The following ATP8A2 variants were observed in gnomAD, a reference collection of about 807,000 sequenced individuals.
ATP8A2 encodes phospholipid-transporting ATPase IB.
ATP8A2 carries 100 observed loss-of-function variants against 165.6 expected under a neutral mutation model. That is an observed-to-expected ratio of 0.60 (90% CI 0.51 to 0.71). The LOEUF (loss-of-function observed/expected upper bound fraction) is 0.71, where lower values mean the gene tolerates loss of function less well. Ranked by LOEUF, ATP8A2 falls within the 30% of genes least tolerant of loss-of-function variation. The pLI, the probability that ATP8A2 is intolerant of heterozygous loss-of-function variation, is 0.00. For synonymous variants in ATP8A2, 543 were observed against 548.8 expected, an observed-to-expected ratio of 0.99 and a Z score of 0.15; for missense variants, 1,227 against 1,479.5, an observed-to-expected ratio of 0.83 and a Z score of 2.80.
At position 25,806,412 on chromosome 13, in the gene ATP8A2, T is replaced by C. The variant is rs549136903; in HGVS notation, c.2680-21706T>C. On this transcript the variant is annotated intron_variant, in intron 27 of 36. Coordinates refer to ENST00000381655, the MANE Select transcript of ATP8A2 (RefSeq NM_016529.6). ...CACTTGAAGGGTTGGTGGTCTCAGC[T>C]GGTTTGAAGTGAACAGCAGCTGGCC... is the stretch of plus-strand genomic sequence containing the variant. 2.0e-5 allele frequency among the ~76,000 whole-genome samples: 3 copies of C among 152,130 alleles called. No individual in the cohort carries two copies. The East Asian group carries it at 5.8e-4, about 29-fold the overall frequency.
At chr13:25,586,282 G>A (rs1283788925) in intron 23 of ATP8A2, among the ~76,000 whole-genome samples, 3 of 152,180 alleles carry the variant, frequency 2.0e-5, no homozygotes, top group Admixed American at 6.5e-5. Context: ...CTGGATGAGA[G>A]GAGTTTAAAA....
chr13:25,727,102 C>T (rs970686703), intron 25 of ATP8A2, among the ~76,000 whole-genome samples: 9 of 152,078 alleles, frequency 5.9e-5, no homozygotes, highest in African/African-American at 1.9e-4. Context: ...GTAAGCAAGC[C>T]GCAGAGCAAA....
chr13:25,799,565 T>C (rs538376879), intron 27 of ATP8A2, among the ~76,000 whole-genome samples: 2 of 152,336 alleles, frequency 1.3e-5, no homozygotes, highest in South Asian at 4.1e-4. Context: ...GTTTGTTACT[T>C]GAAAATAATT....
At chr13:25,464,420 C>CA (rs1257936213) in intron 1 of ATP8A2, among the ~76,000 whole-genome samples, 1 of 128,310 alleles carries the variant, frequency 7.8e-6, no homozygotes, top group African/African-American at 2.9e-5. Flanking sequence ...ACCTAGGACC[C>CA]AAAAAACTGC....
intron 35 of ATP8A2, among the ~76,000 whole-genome samples, chr13:26,000,954 C>T (rs1281510377): frequency 6.6e-6 from 1 of 152,150 alleles, no homozygotes; most frequent in Non-Finnish European, 1.5e-5. Context: ...GTTGTATAAC[C>T]ATTACCACTA....
At chr13:25,933,495 T>C (rs531053395) in intron 33 of ATP8A2, among the ~76,000 whole-genome samples, 6 of 152,350 alleles carry the variant, frequency 3.9e-5, no homozygotes, top group African/African-American at 1.4e-4. Flanking sequence ...TAAATTCATG[T>C]TAAAGTGCTT....
intron 33 of ATP8A2, among the ~76,000 whole-genome samples, chr13:25,873,318 G>A (rs1054026878): frequency 2.0e-5 from 3 of 152,174 alleles, no homozygotes; most frequent in African/African-American, 4.8e-5. Context: ...TTTATAAAGT[G>A]TGGATCTGAC....
At chr13:25,848,566 A>C (rs957660416) in intron 30 of ATP8A2, among the ~76,000 whole-genome samples, 1 of 152,224 alleles carries the variant, frequency 6.6e-6, no homozygotes, top group African/African-American at 2.4e-5. Flanking sequence ...AGTAAACAAA[A>C]GTGAAAAAAG....
At chr13:25,711,113 C>T (rs572869497) in intron 25 of ATP8A2, among the ~76,000 whole-genome samples, 2 of 152,202 alleles carry the variant, frequency 1.3e-5, no homozygotes, top group South Asian at 4.2e-4. Context: ...AAGTAATTCT[C>T]CTGCCTCAGC....
At chr13:25,744,559 A>C (rs1327641898) in intron 25 of ATP8A2, among the ~76,000 whole-genome samples, 1 of 152,204 alleles carries the variant, frequency 6.6e-6, no homozygotes, top group Non-Finnish European at 1.5e-5. Context: ...TTTCAGTTAC[A>C]TCAGTGATAA....
intron 28 of ATP8A2, among the ~76,000 whole-genome samples, chr13:25,830,833 G>A (rs9581449): frequency 3.3e-5 from 5 of 152,082 alleles, no homozygotes; most frequent in African/African-American, 9.7e-5. Context: ...ACATCATGTC[G>A]CTTTCCTGCT....
chr13:25,688,974 A>G (rs1419453272), intron 24 of ATP8A2, among the ~76,000 whole-genome samples: 1 of 152,248 alleles, frequency 6.6e-6, no homozygotes. Context: ...CTCTTTCAGA[A>G]ATTTGTCACT....
chr13:25,844,777 G>C (rs1370867388), intron 30 of ATP8A2, among the ~76,000 whole-genome samples: 1 of 152,104 alleles, frequency 6.6e-6, no homozygotes, highest in African/African-American at 2.4e-5. Context: ...CCCTAGAGTA[G>C]TTTCATTTCC....
intron 33 of ATP8A2, chr13:25,927,281 T>C (rs74042206): frequency 4.4e-6 from 2 of 454,004 alleles, no homozygotes; most frequent in African/African-American, 2.0e-5. Context: ...ATCACCTTTG[T>C]TGAACAAAAG....
intron 35 of ATP8A2, among the ~76,000 whole-genome samples, chr13:26,003,660 T>C (rs1203800355): frequency 1.3e-5 from 2 of 152,176 alleles, no homozygotes; most frequent in Non-Finnish European, 2.9e-5. Context: ...TCAACTCGTA[T>C]ATATAAGTCT....
chr13:25,534,548 T>C (rs1593481826), intron 6 of ATP8A2, among the ~76,000 whole-genome samples: 1 of 152,246 alleles, frequency 6.6e-6, no homozygotes, highest in Non-Finnish European at 1.5e-5. Flanking sequence ...ATTGATGGTC[T>C]TCTGTGGTCC....
At chr13:25,853,389 T>TA (rs58660867) in intron 30 of ATP8A2, among the ~76,000 whole-genome samples, 1 of 72,298 alleles carries the variant, frequency 1.4e-5, no homozygotes, top group East Asian at 4.5e-4. Flanking sequence ...AGACTCTATC[T>TA]AAAAAAAATA....
intron 33 of ATP8A2, among the ~76,000 whole-genome samples, chr13:25,931,219 C>T (rs141655442): frequency 2.6e-5 from 4 of 152,246 alleles, no homozygotes; most frequent in South Asian, 2.1e-4. Flanking sequence ...GTTCATTTAA[C>T]GTCCCTAAGG....
Position 25,828,250 on chromosome 13 carries a change from C to G in ATP8A2, c.2754+58C>G. ...CAGAACTTAGAACTTCAGTGACATT[C>G]CTTCACTGTTTATGTCTGGGAAGTG... On this transcript the variant is annotated intron_variant, in intron 28 of 36. Coordinates refer to ENST00000381655, the MANE Select transcript of ATP8A2 (RefSeq NM_016529.6). The G allele has an allele frequency of 4.6e-6, 6 of 1,314,346 alleles. No homozygotes were observed. The South Asian group carries it at 5.9e-5, about 13-fold the overall frequency. 81.4% of individuals were successfully genotyped at this position (1,314,346 alleles called of 1,614,324 possible). A position where few individuals can be genotyped will look rare whatever the true frequency, so the allele number is the denominator to read the frequency against.
Sources: gnomAD v4.1 joint callset for allele counts (sites outside exome capture counted in the v4.1 genomes callset) on GRCh38, gnomAD v4.1.1 for gene constraint, MANE v1.5 for transcripts, NCBI Gene and HGNC (gene_info 2026-07-23, HGNC 2026-07-21) for gene names.